ZC3H7A: variants seen among roughly 807,000 people sequenced by gnomAD.
ZC3H7A encodes zinc finger CCCH domain-containing protein 7A.
A neutral mutation model predicts 125.5 loss-of-function variants in ZC3H7A; 44 were observed. The ratio of observed to expected loss-of-function variants is 0.35; its 90% CI spans 0.28 to 0.45. The LOEUF is 0.45. Among genes scored for constraint, ZC3H7A ranks in the 20% least tolerant of loss-of-function variants. The pLI, the probability that ZC3H7A is intolerant of heterozygous loss-of-function variation, is 1.00. For synonymous variants in ZC3H7A, 399 were observed against 391.2 expected, an observed-to-expected ratio of 1.02 and a Z score of -0.23; for missense variants, 977 against 1,170.7, an observed-to-expected ratio of 0.83 and a Z score of 2.41.
In ZC3H7A at chr16:11,765,170, A is replaced by G; in HGVS notation, c.1720-17T>C. ...AAAACATTTCTGGAATAGAGAGAGA[A>G]AGATTATCAAAAAAAATACAAAATA... On this transcript the variant is annotated splice_polypyrimidine_tract_variant and intron_variant, in intron 14 of 22. Transcript: ENST00000355758. The surrounding 1 kb of genome is among the most constrained non-coding windows in gnomAD (Gnocchi z 4.8). 3 of 1,427,824 alleles carry G rather than the reference A, an allele frequency of 2.1e-6. No individual in the cohort carries two copies. Among genetic ancestry groups the G allele is most frequent in the East Asian group, 2.5e-5 (1 of 40,746 alleles). 88.4% of individuals were successfully genotyped at this position (1,427,824 alleles called of 1,614,324 possible).
intron 1 of ZC3H7A, chr16:11,782,685 G>A (rs573933080): frequency 4.8e-5 from 9 of 185,588 alleles, no homozygotes; most frequent in South Asian, 3.3e-4. Context: ...TCGCGATCTC[G>A]GCTCACTGCA....
intron 1 of ZC3H7A, among the ~76,000 whole-genome samples, chr16:11,784,871 A>G (rs1474269068): frequency 6.9e-6 from 1 of 144,860 alleles, no homozygotes; most frequent in African/African-American, 2.6e-5. Flanking sequence ...AAAAAAAAAA[A>G]AAATTGGCAG....
At chr16:11,788,555 C>T (rs1349896686) in intron 1 of ZC3H7A, among the ~76,000 whole-genome samples, 2 of 149,980 alleles carry the variant, frequency 1.3e-5, no homozygotes, top group Non-Finnish European at 3.0e-5. Flanking sequence ...GGAGGGCCAC[C>T]AACCACTGTT....
intron 21 of ZC3H7A, among the ~76,000 whole-genome samples, chr16:11,754,893 CAAAAAAAAA>C (rs35345665): frequency 1.5e-5 from 1 of 68,870 alleles, no homozygotes; most frequent in Non-Finnish European, 2.6e-5. Flanking sequence ...CTCCGTCTCA[CAAAAAAAAA>C]AAAAAAAAAA....
intron 1 of ZC3H7A, among the ~76,000 whole-genome samples, chr16:11,788,601 T>A (rs2053297675): frequency 9.6e-6 from 1 of 103,902 alleles, no homozygotes. Context: ...ATATATTGCT[T>A]TCTTTTTTTT....
intron 21 of ZC3H7A, among the ~76,000 whole-genome samples, chr16:11,755,209 CAA>C (rs71136681): frequency 4.5e-4 from 44 of 96,820 alleles, no homozygotes; most frequent in African/African-American, 7.3e-4. Flanking sequence ...GACTCCATCT[CAA>C]AAAAAAAAAA....
Position 11,761,526 on chromosome 16 carries a change from G to T in ZC3H7A, c.2214-15C>A, listed in dbSNP as rs757394748. On this transcript the variant is annotated splice_polypyrimidine_tract_variant and intron_variant, in intron 18 of 22. Coordinates refer to ENST00000355758, the MANE Select transcript of ZC3H7A (RefSeq NM_014153.4). ...CTTTGGTCCACCTAAGAAAAATGGAGTTCAGAAAAAAACAAAGACACACGA... is the reference window on the plus strand; with the variant it reads ...CTTTGGTCCACCTAAGAAAAATGGATTTCAGAAAAAAACAAAGACACACGA... The T allele has an allele frequency of 1.2e-6, 2 of 1,612,668 alleles. No homozygotes were observed. Among genetic ancestry groups the T allele is most frequent in the South Asian group, 2.2e-5 (2 of 90,874 alleles).
At chr16:11,775,381 AAAAAAG>A in intron 7 of ZC3H7A, 1 of 165,832 alleles carries the variant, frequency 6.0e-6, no homozygotes, top group Non-Finnish European at 1.3e-5. Context: ...GGAAAAAAAA[AAAAAAG>A]AAAAAAAGAA....
chr16:11,770,283 A>G (rs62040625), intron 10 of ZC3H7A, among the ~76,000 whole-genome samples: 8,270 of 152,272 alleles, frequency 0.054, 364 homozygotes, highest in East Asian at 0.18. Flanking sequence ...GATGACAGAA[A>G]CAGGAGTCAG....
intron 13 of ZC3H7A, 116 bp downstream of exon 13, chr16:11,767,301 C>G: frequency 1.1e-6 from 1 of 921,550 alleles, no homozygotes; most frequent in Non-Finnish European, 1.6e-6. Context: ...TGTGTAAGTA[C>G]TCTGTGATGT....
chr16:11,777,483 G>A (rs1382519019), intron 4 of ZC3H7A, among the ~76,000 whole-genome samples: 2 of 152,214 alleles, frequency 1.3e-5, no homozygotes, highest in African/African-American at 4.8e-5. Context: ...CACTTTGGGA[G>A]GCCGAGGTGG....
rs2053052788 is a variant in ZC3H7A at position 11,774,856 on chromosome 16, C to T, written c.619+124G>A. On this transcript the variant is annotated intron_variant, in intron 8 of 22. Coordinates refer to ENST00000355758, the MANE Select transcript of ZC3H7A (RefSeq NM_014153.4). ...GAGCATTGGAAATCATTTTCACTTT[C>T]ATATTAATACATTAATATGAATATA... 1.7e-5 allele frequency: 20 copies of T among 1,170,766 alleles called. No homozygotes were observed. The Admixed American group carries it at 4.5e-4, about 26-fold the overall frequency. 72.5% of individuals were successfully genotyped at this position (1,170,766 alleles called of 1,614,324 possible).
rs1222808120 is a variant in ZC3H7A at position 11,792,462 on chromosome 16, TAA to T, written c.-35+4660_-35+4661del. ...AGTACAATGTTGGTAACTAGACAAATAAATCCACATCCATGAGCTTTTGACCT... is the reference window on the plus strand; with the variant it reads ...AGTACAATGTTGGTAACTAGACAAATATCCACATCCATGAGCTTTTGACCT... On this transcript the variant is annotated intron_variant, in intron 1 of 22. Coordinates refer to ENST00000355758, the MANE Select transcript of ZC3H7A (RefSeq NM_014153.4). Among the ~76,000 whole-genome samples the T allele has an allele frequency of 2.0e-5, 3 of 152,164 alleles. No individual in the cohort carries two copies. The East Asian group carries it at 5.8e-4, about 29-fold the overall frequency.
chr16:11,759,937 G>C (rs1258556737), intron 19 of ZC3H7A: 1 of 151,860 alleles, frequency 6.6e-6, no homozygotes, highest in Non-Finnish European at 1.5e-5. Context: ...ACATGGTGAA[G>C]CTTCGTCTCT....
chr16:11,774,853 T>C, intron 8 of ZC3H7A, 127 bp downstream of exon 8: 1 of 1,156,648 alleles, frequency 8.6e-7, no homozygotes, highest in Non-Finnish European at 1.2e-6. Context: ...TCATTTTCAC[T>C]TTCATATTAA....
At chr16:11,768,914 T>G in intron 11 of ZC3H7A, 117 bp downstream of exon 11, 4 of 1,020,412 alleles carry the variant, frequency 3.9e-6, no homozygotes, top group Non-Finnish European at 5.7e-6. Flanking sequence ...TAACACAATT[T>G]CCTGCAGCAC....
At chr16:11,772,995 A>T (rs560492337) in intron 9 of ZC3H7A, among the ~76,000 whole-genome samples, 1 of 151,676 alleles carries the variant, frequency 6.6e-6, no homozygotes, top group South Asian at 2.1e-4. Flanking sequence ...CCAGCAGAAA[A>T]GGCTTTCTAT....
intron 1 of ZC3H7A, among the ~76,000 whole-genome samples, chr16:11,785,742 C>A (rs2053247327): frequency 6.6e-6 from 1 of 152,196 alleles, no homozygotes; most frequent in Admixed American, 6.5e-5. Context: ...GCCTCAGCCT[C>A]CCGAGTAGCT....
intron 1 of ZC3H7A, among the ~76,000 whole-genome samples, chr16:11,794,700 C>G (rs910476661): frequency 6.6e-6 from 1 of 152,176 alleles, no homozygotes; most frequent in Non-Finnish European, 1.5e-5. Context: ...ATGCTCAAAA[C>G]TTTCCAACAG....
Sources: allele counts gnomAD v4.1 joint callset (sites outside exome capture counted in the v4.1 genomes callset), GRCh38; gene constraint gnomAD v4.1.1; non-coding constraint Gnocchi (gnomAD v3.1); transcripts MANE v1.5; gene names NCBI Gene and HGNC (gene_info 2026-07-23, HGNC 2026-07-21).